Variants in RBFOX2 observed in about 807,000 individuals in gnomAD.
RBFOX2 encodes the protein RNA binding fox-1 homolog 2, also known as RNA binding protein fox-1 homolog 2.
A neutral mutation model predicts 49.1 loss-of-function variants in RBFOX2; 10 were observed. That is an observed-to-expected ratio of 0.20 (90% CI 0.13 to 0.35). The LOEUF is 0.35. Ranked by LOEUF, RBFOX2 falls within the 10% of genes least tolerant of loss-of-function variation. The probability of loss-of-function intolerance (pLI) is 1.00; values close to 1 mark genes in which losing one functional copy is unlikely to be tolerated. For missense variants in RBFOX2, 323 were observed against 486.9 expected (o/e 0.66, Z 3.17); for synonymous variants, 183 against 187.4 (o/e 0.98, Z 0.19).
At chr22:35,930,409 G>C (rs1403329680) in intron 1 of RBFOX2, among the ~76,000 whole-genome samples, 1 of 151,804 alleles carries the variant, frequency 6.6e-6, no homozygotes, top group Non-Finnish European at 1.5e-5. Flanking sequence ...ATGTAAGACA[G>C]GCAAAGTAAT....
At chr22:36,013,078 T>A (rs957297800) in intron 1 of RBFOX2, among the ~76,000 whole-genome samples, 6 of 152,104 alleles carry the variant, frequency 3.9e-5, no homozygotes, top group Non-Finnish European at 8.8e-5. Context: ...CAGTTCTTAT[T>A]ATATTATATC....
intron 2 of RBFOX2, among the ~76,000 whole-genome samples, chr22:35,782,359 T>C (rs1476991855): frequency 3.9e-5 from 6 of 152,172 alleles, no homozygotes; most frequent in Non-Finnish European, 5.9e-5. Flanking sequence ...TCTCGCTCTG[T>C]CGCCCAGGCT....
chr22:35,995,556 C>A (rs2058155480), intron 1 of RBFOX2: 2 of 152,130 alleles, frequency 1.3e-5, no homozygotes, highest in South Asian at 2.1e-4. Flanking sequence ...TGGGAGGTAA[C>A]TGAATCATGG....
chr22:35,774,656 G>GA (rs946682127), intron 4 of RBFOX2, among the ~76,000 whole-genome samples: 3 of 152,036 alleles, frequency 2.0e-5, no homozygotes, highest in African/African-American at 7.2e-5. Context: ...AGGAAAAAAG[G>GA]AAAAAACTAG....
chr22:35,785,552 T>C (rs1946211191), intron 2 of RBFOX2, among the ~76,000 whole-genome samples: 1 of 152,224 alleles, frequency 6.6e-6, no homozygotes, highest in African/African-American at 2.4e-5. Context: ...TCAGAGATAC[T>C]TCTGGCTCAG....
At chr22:35,848,871 C>T (rs1241303296) in intron 1 of RBFOX2, among the ~76,000 whole-genome samples, 2 of 152,078 alleles carry the variant, frequency 1.3e-5, no homozygotes, top group Non-Finnish European at 1.5e-5. Context: ...TTATATACAA[C>T]AAAACTAAAG....
chr22:35,876,777 T>A (rs112688960), intron 1 of RBFOX2, among the ~76,000 whole-genome samples: 91 of 151,356 alleles, frequency 6.0e-4, no homozygotes, highest in Admixed American at 1.1e-3. Context: ...AGACCAGATA[T>A]CACAAGAACC....
chr22:35,808,871 T>C (rs1951264615), intron 2 of RBFOX2, among the ~76,000 whole-genome samples: 2 of 152,104 alleles, frequency 1.3e-5, no homozygotes, highest in Admixed American at 6.5e-5. Context: ...TATGTTGGTA[T>C]GTATGAGATA....
At chr22:35,948,900 C>T (rs2054606780) in intron 1 of RBFOX2, among the ~76,000 whole-genome samples, 1 of 152,084 alleles carries the variant, frequency 6.6e-6, no homozygotes, top group Admixed American at 6.5e-5. Flanking sequence ...TGTGCAACCA[C>T]CTCCATCCAT....
exon 12 of RBFOX2, chr22:35,744,190 G>A: frequency 1.2e-6 from 2 of 1,605,980 alleles, no homozygotes; most frequent in Non-Finnish European, 1.7e-6. Context: ...CCATTTGCAG[G>A]GGTCTCACGT....
chr22:36,011,251 C>T (rs922144798), intron 1 of RBFOX2, among the ~76,000 whole-genome samples: 3 of 152,126 alleles, frequency 2.0e-5, no homozygotes, highest in African/African-American at 4.8e-5. Context: ...GACGAGGATA[C>T]CTATCTTTCA....
intron 1 of RBFOX2, among the ~76,000 whole-genome samples, chr22:35,977,741 T>G (rs1401643925): frequency 1.2e-4 from 17 of 137,964 alleles, no homozygotes; most frequent in African/African-American, 4.3e-4. Context: ...TATATATATA[T>G]ATATATATAT....
At chr22:35,904,977 T>C (rs1229211128) in intron 1 of RBFOX2, among the ~76,000 whole-genome samples, 1 of 152,216 alleles carries the variant, frequency 6.6e-6, no homozygotes, top group Non-Finnish European at 1.5e-5. Context: ...AAAGGTCTAT[T>C]AGACAGAGCT....
chr22:35,858,967 C>T (rs1368519863), intron 1 of RBFOX2, among the ~76,000 whole-genome samples: 3 of 152,124 alleles, frequency 2.0e-5, no homozygotes, highest in Admixed American at 6.5e-5. Context: ...CAGACCATCC[C>T]TAATTTGTTA....
upstream of RBFOX2, among the ~76,000 whole-genome samples, chr22:35,943,680 C>T (rs893689579): frequency 2.6e-5 from 4 of 152,096 alleles, no homozygotes; most frequent in African/African-American, 2.4e-5. Context: ...GGGTGGATCA[C>T]GAGATCAGGA....
intron 1 of RBFOX2, among the ~76,000 whole-genome samples, chr22:35,871,127 G>T (rs2044304062): frequency 6.6e-6 from 1 of 152,182 alleles, no homozygotes; most frequent in African/African-American, 2.4e-5. Flanking sequence ...ATTCTAAAAG[G>T]TCACTATTTT....
intron 4 of RBFOX2, among the ~76,000 whole-genome samples, chr22:35,773,440 C>T (rs1943175007): frequency 1.3e-5 from 2 of 151,902 alleles, no homozygotes; most frequent in African/African-American, 4.8e-5. Flanking sequence ...TAGAATGTTC[C>T]TAGCATAAAG....
chr22:35,845,469 C>T (rs1277739367), upstream of RBFOX2, among the ~76,000 whole-genome samples: 1 of 151,688 alleles, frequency 6.6e-6, no homozygotes, highest in African/African-American at 2.4e-5. Flanking sequence ...AAAAACAATC[C>T]TCATTTATTT....
intron 1 of RBFOX2, among the ~76,000 whole-genome samples, chr22:35,987,200 C>T (rs1377798501): frequency 6.6e-6 from 1 of 152,020 alleles, no homozygotes; most frequent in African/African-American, 2.4e-5. Context: ...AACAACATAC[C>T]AAGAATGCAT....
Sources: gnomAD v4.1 joint callset for allele counts (sites outside exome capture counted in the v4.1 genomes callset) on GRCh38, gnomAD v4.1.1 for gene constraint, MANE v1.5 for transcripts, NCBI Gene and HGNC (gene_info 2026-07-23, HGNC 2026-07-21) for gene names.